Variants in MAPK10 observed in about 807,000 individuals in gnomAD.
MAPK10 encodes mitogen-activated protein kinase 10, also known as JNK3 alpha protein kinase.
A neutral mutation model predicts 59.3 loss-of-function variants in MAPK10; 25 were observed. That is an observed-to-expected ratio of 0.42 (90% CI 0.31 to 0.59). The LOEUF is 0.59. Ranked by LOEUF, MAPK10 falls within the 20% of genes least tolerant of loss-of-function variation. The pLI is 0.15. For missense variants in MAPK10, 351 were observed against 568.9 expected (o/e 0.62, Z 3.90); for synonymous variants, 190 against 200.5 (o/e 0.95, Z 0.44).
chr4:86,478,238 T>C (rs549489494), intron 1 of MAPK10, among the ~76,000 whole-genome samples: 19 of 152,282 alleles, frequency 1.2e-4, no homozygotes, highest in South Asian at 4.1e-4. Flanking sequence ...TCCCCACTCC[T>C]CTTTCCATTC....
chr4:86,141,282 G>A (rs895582974), intron 4 of MAPK10, among the ~76,000 whole-genome samples: 1 of 152,128 alleles, frequency 6.6e-6, no homozygotes, highest in Non-Finnish European at 1.5e-5. Context: ...GTCCTATGGT[G>A]AACATGAGAT....
intron 13 of MAPK10, among the ~76,000 whole-genome samples, chr4:86,023,589 T>C (rs1243742300): frequency 2.0e-5 from 3 of 152,056 alleles, no homozygotes; most frequent in Non-Finnish European, 2.9e-5. Flanking sequence ...TTTCCAGTTA[T>C]TAGATCCTCT....
At chr4:86,174,723 A>G (rs1028123659) in intron 3 of MAPK10, among the ~76,000 whole-genome samples, 1 of 152,134 alleles carries the variant, frequency 6.6e-6, no homozygotes, top group Non-Finnish European at 1.5e-5. Context: ...ATAGAGGACA[A>G]CCCTTGCTCA....
At chr4:86,025,868 C>A (rs752303905) in intron 13 of MAPK10, among the ~76,000 whole-genome samples, 8 of 152,078 alleles carry the variant, frequency 5.3e-5, no homozygotes, top group Non-Finnish European at 1.2e-4. Flanking sequence ...TTCCTGATAA[C>A]CCCCAATCCC....
chr4:86,269,076 A>T (rs1202734252), intron 2 of MAPK10, among the ~76,000 whole-genome samples: 2 of 152,184 alleles, frequency 1.3e-5, no homozygotes, highest in Non-Finnish European at 2.9e-5. Flanking sequence ...TTCTGGGCTC[A>T]AAATATTGAG....
intron 2 of MAPK10, among the ~76,000 whole-genome samples, chr4:86,304,387 CTTTTTT>C (rs1162506350): frequency 8.9e-6 from 1 of 112,562 alleles, no homozygotes. Context: ...TGGAGTATTT[CTTTTTT>C]TTTTTTTTTT....
intron 1 of MAPK10, among the ~76,000 whole-genome samples, chr4:86,559,713 A>G (rs1760526233): frequency 1.3e-5 from 2 of 152,208 alleles, no homozygotes; most frequent in African/African-American, 4.8e-5. Context: ...CAGTAGGATC[A>G]CTATGTCAGG....
At chr4:86,082,209 G>A (rs945025085) in intron 9 of MAPK10, 1 of 152,164 alleles carries the variant, frequency 6.6e-6, no homozygotes, top group Non-Finnish European at 1.5e-5. Context: ...TGTGGAAAAG[G>A]AAGGTTGTGG....
intron 2 of MAPK10, among the ~76,000 whole-genome samples, chr4:86,207,654 C>T (rs1228712691): frequency 1.3e-5 from 2 of 152,184 alleles, no homozygotes; most frequent in African/African-American, 4.8e-5. Flanking sequence ...GCCATTTTCA[C>T]GATATTGATT....
intron 1 of MAPK10, 32 bp downstream of exon 1, chr4:86,359,626 T>A: frequency 1.0e-6 from 1 of 967,910 alleles, no homozygotes; most frequent in Non-Finnish European, 1.2e-6. Context: ...CAAAAACAGG[T>A]TAGAACCCAG....
chr4:86,065,800 A>G (rs1435780046), intron 10 of MAPK10, among the ~76,000 whole-genome samples: 1 of 152,264 alleles, frequency 6.6e-6, no homozygotes, highest in Non-Finnish European at 1.5e-5. Flanking sequence ...ATGGTAAAAC[A>G]TCAAATTAAA....
At chr4:86,101,822 T>C (rs1223879351) in intron 7 of MAPK10, 72 bp downstream of exon 7, 1 of 1,510,904 alleles carries the variant, frequency 6.6e-7, no homozygotes, top group East Asian at 2.3e-5. Flanking sequence ...GCCCCCCGTA[T>C]AAAGAAAATA....
intron 9 of MAPK10, among the ~76,000 whole-genome samples, chr4:86,082,946 C>T (rs1225082370): frequency 6.6e-6 from 1 of 152,140 alleles, no homozygotes; most frequent in Non-Finnish European, 1.5e-5. Context: ...GGCAAAATAC[C>T]TGTGTCAGAG....
chr4:86,206,200 C>T (rs112892436), intron 2 of MAPK10, among the ~76,000 whole-genome samples: 2 of 151,770 alleles, frequency 1.3e-5, no homozygotes, highest in Non-Finnish European at 2.9e-5. Context: ...CCCCCGTCCC[C>T]CCACCTCGCA....
chr4:86,281,583 C>T (rs888713878), intron 2 of MAPK10, among the ~76,000 whole-genome samples: 9 of 151,928 alleles, frequency 5.9e-5, no homozygotes, highest in African/African-American at 2.2e-4. Context: ...TTAAGTTTTG[C>T]TTCTGAAAAT....
intron 1 of MAPK10, among the ~76,000 whole-genome samples, chr4:86,533,129 C>G (rs1757962213): frequency 6.6e-6 from 1 of 151,940 alleles, no homozygotes. Flanking sequence ...AAACATTATG[C>G]TAAGTGAAAT....
intron 2 of MAPK10, among the ~76,000 whole-genome samples, chr4:86,342,472 G>T (rs1395870249): frequency 6.6e-6 from 1 of 152,138 alleles, no homozygotes; most frequent in Non-Finnish European, 1.5e-5. Flanking sequence ...CAACATAGGA[G>T]CAAAAGAACC....
In MAPK10 at chr4:86,380,526, A is replaced by AG. The variant is rs1740537635; in HGVS notation, c.-121-25883dup. ...TCTGACCATTTTAGCCCTGAGCTTCAGGCCTTCTGGTTATCAGTTTTCCAA... is the reference window on the plus strand; with the variant it reads ...TCTGACCATTTTAGCCCTGAGCTTCAGGGCCTTCTGGTTATCAGTTTTCCAA... On this transcript the variant is annotated intron_variant, in intron 1 of 13. Transcript: ENST00000361569. 2.0e-5 allele frequency among the ~76,000 whole-genome samples: 3 copies of AG among 152,328 alleles called. No individual in the cohort carries two copies. The South Asian group carries it at 6.2e-4, about 32-fold the overall frequency.
intron 1 of MAPK10, among the ~76,000 whole-genome samples, chr4:86,547,630 G>A (rs904079042): frequency 6.6e-6 from 1 of 152,218 alleles, no homozygotes; most frequent in Non-Finnish European, 1.5e-5. Flanking sequence ...CCCAAGGGCT[G>A]AGGAATGCCG....
Sources: gnomAD v4.1 joint callset for allele counts (sites outside exome capture counted in the v4.1 genomes callset) on GRCh38, gnomAD v4.1.1 for gene constraint, MANE v1.5 for transcripts, NCBI Gene and HGNC (gene_info 2026-07-23, HGNC 2026-07-21) for gene names.